ADCY8: variants seen among roughly 807,000 people sequenced by gnomAD.
ADCY8 encodes adenylate cyclase type 8.
In ADCY8, 51 loss-of-function variants were observed where a neutral mutation model predicts 119.7. That is an observed-to-expected ratio of 0.43 (90% CI 0.34 to 0.54). The LOEUF is 0.54. ADCY8 is among the 20% of genes least tolerant of loss of function. The pLI, the probability that ADCY8 is intolerant of heterozygous loss-of-function variation, is 0.03. For missense variants in ADCY8, 1,383 were observed against 1,598.8 expected (o/e 0.87, Z 2.30); for synonymous variants, 665 against 651.0 (o/e 1.02, Z -0.33).
chr8:130,811,183 A>G (rs967935205), intron 14 of ADCY8, among the ~76,000 whole-genome samples: 2 of 152,172 alleles, frequency 1.3e-5, no homozygotes, highest in Non-Finnish European at 2.9e-5. Flanking sequence ...AGACTCTCAA[A>G]GACCTGAGTA....
Position 130,950,987 on chromosome 8 carries a change from C to T in ADCY8, c.1241+881G>A, listed in dbSNP as rs189534285. On this transcript the variant is annotated intron_variant, in intron 3 of 17. Transcript: ENST00000286355. ...TGCTGGGATTACAGGCGCGAGCGAC[C>T]GTGCCCGGCCAGTACATTTCTTTTA... Among the ~76,000 whole-genome samples the T allele has an allele frequency of 3.2e-3, 488 of 152,280 alleles. 4 individuals carry two copies. The highest frequency in any genetic ancestry group is 0.011 in the African/African-American group (468 of 41,566).
rs1207089814 is a variant in ADCY8 at position 131,012,389 on chromosome 8, A to G, written c.961-21847T>C. On this transcript the variant is annotated intron_variant, in intron 1 of 17. Coordinates refer to ENST00000286355, the MANE Select transcript of ADCY8 (RefSeq NM_001115.3). ...ATAATGTACATCGGTTGGTGCCCCC[A>G]AGACTCAACTGCAGCAAAAGGGACT... is the stretch of plus-strand genomic sequence containing the variant. 2.0e-5 allele frequency among the ~76,000 whole-genome samples: 3 copies of G among 152,306 alleles called. No individual in the cohort carries two copies. The East Asian group carries it at 5.8e-4, about 29-fold the overall frequency.
At chr8:130,828,543 T>A (rs1367037765) in intron 12 of ADCY8, among the ~76,000 whole-genome samples, 8 of 152,202 alleles carry the variant, frequency 5.3e-5, no homozygotes, top group African/African-American at 1.7e-4. Flanking sequence ...TGCCACCTAG[T>A]GGAATAGGGA....
chr8:130,863,840 G>T (rs898192981), intron 9 of ADCY8, among the ~76,000 whole-genome samples: 1 of 151,844 alleles, frequency 6.6e-6, no homozygotes, highest in African/African-American at 2.4e-5. Context: ...TAATATTGTT[G>T]CTTTAAACAA....
intron 6 of ADCY8, among the ~76,000 whole-genome samples, chr8:130,904,864 C>T (rs1232737109): frequency 2.6e-5 from 4 of 152,110 alleles, no homozygotes; most frequent in Non-Finnish European, 5.9e-5. Flanking sequence ...TTTCTGTCCT[C>T]GTAACTGTCT....
intron 1 of ADCY8, among the ~76,000 whole-genome samples, chr8:131,034,614 A>G (rs747988619): frequency 2.0e-5 from 3 of 152,160 alleles, no homozygotes; most frequent in Non-Finnish European, 4.4e-5. Context: ...ATGTTGCATG[A>G]GGAATTTAAA....
At chr8:130,850,582 G>C (rs1157031484) in intron 9 of ADCY8, among the ~76,000 whole-genome samples, 1 of 152,088 alleles carries the variant, frequency 6.6e-6, no homozygotes, top group Admixed American at 6.6e-5. Context: ...TTCTACACTG[G>C]CAGCTCTAAT....
At chr8:130,853,375 G>A (rs1263029670) in intron 9 of ADCY8, among the ~76,000 whole-genome samples, 2 of 152,192 alleles carry the variant, frequency 1.3e-5, no homozygotes, top group African/African-American at 2.4e-5. Context: ...CACTGGTGGA[G>A]TGCGTTGGTT....
chr8:131,040,367 T>A lies in ADCY8; in HGVS notation c.-34A>T. 6.9e-7 allele frequency: 1 copy of A among 1,456,506 alleles called. No homozygotes were observed. Among genetic ancestry groups the A allele is most frequent in the Non-Finnish European group, 9.0e-7 (1 of 1,111,254 alleles). The allele number at this position is 1,456,506 out of a possible 1,614,324, so 90.2% of individuals were successfully genotyped here. ...GCCGCAGGGAAGGAGGCCCAGAACC[T>A]TGGGGAGGCAGCCGGAGGAGGGGTT... is the stretch of plus-strand genomic sequence containing the variant. On this transcript the variant is annotated 5_prime_UTR_variant, in exon 1 of 18. In the 5' UTR this introduces an upstream ATG that the reference lacks. Transcript: ENST00000286355.
chr8:131,006,006 C>T (rs1823104768), intron 1 of ADCY8, among the ~76,000 whole-genome samples: 1 of 152,094 alleles, frequency 6.6e-6, no homozygotes, highest in African/African-American at 2.4e-5. Context: ...TCTCCCTGCT[C>T]CCACTCCAAA....
chr8:130,800,825 A>T (rs1815753998), intron 14 of ADCY8, among the ~76,000 whole-genome samples: 2 of 152,228 alleles, frequency 1.3e-5, no homozygotes, highest in Non-Finnish European at 2.9e-5. Context: ...GAAGTCCAAG[A>T]TCAAGGTACT....
intron 12 of ADCY8, among the ~76,000 whole-genome samples, chr8:130,822,238 C>T (rs962044390): frequency 6.6e-6 from 1 of 152,114 alleles, no homozygotes; most frequent in Non-Finnish European, 1.5e-5. Flanking sequence ...GGCTGAAGAG[C>T]TGAATCCTAA....
At chr8:130,783,133 G>A (rs1815137348) in intron 17 of ADCY8, among the ~76,000 whole-genome samples, 1 of 152,004 alleles carries the variant, frequency 6.6e-6, no homozygotes. Context: ...CAAATATAAA[G>A]GATTATTATT....
At chr8:130,829,359 T>C (rs1180871813) in intron 12 of ADCY8, among the ~76,000 whole-genome samples, 5 of 152,182 alleles carry the variant, frequency 3.3e-5, no homozygotes, top group African/African-American at 1.2e-4. Context: ...AAGAGGGAAG[T>C]ATATCTTAGG....
chr8:130,903,504 A>G (rs1445824853), intron 7 of ADCY8, among the ~76,000 whole-genome samples: 5 of 142,280 alleles, frequency 3.5e-5, no homozygotes, highest in African/African-American at 1.3e-4. Context: ...TCAGCTTCAC[A>G]TAATATTTAT....
chr8:130,975,461 C>T (rs1822044362), intron 2 of ADCY8, among the ~76,000 whole-genome samples: 1 of 152,180 alleles, frequency 6.6e-6, no homozygotes, highest in African/African-American at 2.4e-5. Context: ...GAGCAAGAAA[C>T]TCCCAACCAC....
At chr8:130,822,045 C>T (rs943751021) in intron 12 of ADCY8, among the ~76,000 whole-genome samples, 2 of 152,146 alleles carry the variant, frequency 1.3e-5, no homozygotes, top group South Asian at 2.1e-4. Context: ...TACTGTGTGC[C>T]AGGCATAATA....
chr8:130,872,906 G>T (rs776443801), intron 8 of ADCY8, among the ~76,000 whole-genome samples: 10 of 152,136 alleles, frequency 6.6e-5, no homozygotes, highest in Non-Finnish European at 1.3e-4. Context: ...GTTTCATTTT[G>T]TTCATGTCTG....
chr8:130,996,276 G>A (rs936145578), intron 1 of ADCY8, among the ~76,000 whole-genome samples: 1 of 151,970 alleles, frequency 6.6e-6, no homozygotes, highest in South Asian at 2.1e-4. Flanking sequence ...ATGATTTACA[G>A]CTTTAATATT....
Sources: gnomAD v4.1 joint callset for allele counts (sites outside exome capture counted in the v4.1 genomes callset) on GRCh38, gnomAD v4.1.1 for gene constraint, MANE v1.5 for transcripts, NCBI Gene and HGNC (gene_info 2026-07-23, HGNC 2026-07-21) for gene names.